IL1RN: variants seen among roughly 807,000 people sequenced by gnomAD.
IL1RN encodes interleukin 1 receptor antagonist.
Under a neutral mutation model 13.7 loss-of-function variants are expected in IL1RN, and 10 were observed. That is an observed-to-expected ratio of 0.73 (90% CI 0.45 to 1.24). IL1RN has a LOEUF of 1.24. Ranked by LOEUF, IL1RN falls within the 50% of genes most tolerant of loss-of-function variation. The pLI is 0.00. For missense variants in IL1RN, 213 were observed against 222.1 expected, an observed-to-expected ratio of 0.96 and a Z score of 0.26; for synonymous variants, 102 against 82.7, an observed-to-expected ratio of 1.23 and a Z score of -1.27.
chr2:113,117,824 A>G (rs1686630405), upstream of IL1RN: 1 of 662,518 alleles, frequency 1.5e-6, no homozygotes, highest in African/African-American at 1.8e-5. Flanking sequence ...ATGCTGGCCA[A>G]CCCTCTGTGA....
At chr2:113,127,357 C>T (rs1686997664), upstream of IL1RN, 5 of 614,664 alleles carry the variant, frequency 8.1e-6, no homozygotes, top group Non-Finnish European at 1.0e-5. Flanking sequence ...CCCAGGAACT[C>T]AATGAAGGGG....
chr2:113,131,260 A>C lies in IL1RN; in HGVS notation c.318+103A>C, dbSNP rs373572361. On this transcript the variant is annotated intron_variant, in intron 3 of 3. Coordinates refer to ENST00000409930, the MANE Select transcript of IL1RN (RefSeq NM_173842.3). ...GTGGGTTGACCAGGATTAGCTGGGT[A>C]GTTCTGTTCCATGTGGTGGAACATG... is the stretch of plus-strand genomic sequence containing the variant. 81 of 762,284 alleles carry C rather than the reference A, an allele frequency of 1.1e-4. 2 individuals carry two copies. The East Asian group carries it at 1.6e-3, about 15-fold the overall frequency. 47.2% of individuals were successfully genotyped at this position (762,284 alleles called of 1,614,324 possible). A position where few individuals can be genotyped will look rare whatever the true frequency, so the allele number is the denominator to read the frequency against.
upstream of IL1RN, among the ~76,000 whole-genome samples, chr2:113,110,048 A>G (rs540771934): frequency 1.4e-4 from 21 of 152,286 alleles, no homozygotes; most frequent in South Asian, 4.4e-3. Flanking sequence ...TGCCTTTACC[A>G]AAGGACCACA....
chr2:113,131,287 T>C, intron 3 of IL1RN, 130 bp downstream of exon 3: 1 of 710,162 alleles, frequency 1.4e-6, no homozygotes. Flanking sequence ...TGGAACATGC[T>C]GGGGTCACTT....
chr2:113,113,560 G>A (rs752965401), upstream of IL1RN, among the ~76,000 whole-genome samples: 30 of 151,078 alleles, frequency 2.0e-4, no homozygotes, highest in Non-Finnish European at 2.5e-4. Context: ...TGCTAAGAGG[G>A]TATATCTTAT....
chr2:113,102,582 G>A (rs1358967241), upstream of IL1RN, among the ~76,000 whole-genome samples: 2 of 152,192 alleles, frequency 1.3e-5, no homozygotes, highest in Non-Finnish European at 2.9e-5. Context: ...TGAGCAACAA[G>A]GCTGTTTATT....
intron 1 of IL1RN, among the ~76,000 whole-genome samples, chr2:113,111,585 C>T (rs916252239): frequency 3.9e-5 from 6 of 152,340 alleles, no homozygotes; most frequent in African/African-American, 4.8e-5. Context: ...AGGTGAAGCC[C>T]GCATCCAATG....
upstream of IL1RN, among the ~76,000 whole-genome samples, chr2:113,123,079 T>C (rs957304698): frequency 6.6e-6 from 1 of 152,078 alleles, no homozygotes; most frequent in African/African-American, 2.4e-5. Context: ...GAGCCTAGAT[T>C]GCTCCACTGC....
chr2:113,124,442 C>A (rs1481078418), upstream of IL1RN, among the ~76,000 whole-genome samples: 1 of 152,016 alleles, frequency 6.6e-6, no homozygotes, highest in African/African-American at 2.4e-5. Context: ...ATTGACAGCC[C>A]CCCCCCTTTG....
chr2:113,119,377 G>C (rs1432671685), intron 1 of IL1RN, among the ~76,000 whole-genome samples: 1 of 152,232 alleles, frequency 6.6e-6, no homozygotes, highest in African/African-American at 2.4e-5. Context: ...TGGCCAGACA[G>C]CTAGTATAAG....
At chr2:113,111,356 A>G (rs1686491312) in intron 1 of IL1RN, among the ~76,000 whole-genome samples, 1 of 152,236 alleles carries the variant, frequency 6.6e-6, no homozygotes, top group Non-Finnish European at 1.5e-5. Flanking sequence ...ATTTATGGAG[A>G]AGGCACTACG....
chr2:113,117,978 G>A (rs1310179129), exon 1 of IL1RN: 2 of 1,221,642 alleles, frequency 1.6e-6, no homozygotes, highest in African/African-American at 1.5e-5. Flanking sequence ...GTTAGAGTCT[G>A]GAAGACCTCA....
rs1687263478 is a variant in IL1RN, at chr2:113,133,970, T to A, written c.*1099T>A. On this transcript the variant is annotated 3_prime_UTR_variant, in exon 4 of 4. Coordinates refer to ENST00000409930, the MANE Select transcript of IL1RN (RefSeq NM_173842.3). ...TATGTTGGGTGCAAAGTTCCCTACT[T>A]CCTGTGACTTCAGCTCTGTTTTACA... The A allele has an allele frequency of 1.3e-5, 2 of 152,690 alleles. No homozygotes were observed. Among genetic ancestry groups the A allele is most frequent in the African/African-American group, 4.8e-5 (2 of 41,456 alleles). The allele number at this position is 152,690 out of a possible 1,614,324, so 9.5% of individuals were successfully genotyped here. A position where few individuals can be genotyped will look rare whatever the true frequency, so the allele number is the denominator to read the frequency against.
chr2:113,099,723 C>CTTTTTTTTT, the IL1RN span, among the ~76,000 whole-genome samples: 131 of 72,200 alleles, frequency 1.8e-3, 6 homozygotes, highest in Non-Finnish European at 2.6e-3. Flanking sequence ...CCTCTTCTTT[C>CTTTTTTTTT]TTTTCTTTTT....
chr2:113,114,157 G>A (rs1179031679), upstream of IL1RN, among the ~76,000 whole-genome samples: 1 of 152,196 alleles, frequency 6.6e-6, no homozygotes, highest in Non-Finnish European at 1.5e-5. Context: ...GTTATGAGAA[G>A]TTAAGGCAGT....
At chr2:113,130,981 G>C in intron 2 of IL1RN, 64 bp from the exon 3 acceptor site, 1 of 1,032,910 alleles carries the variant, frequency 9.7e-7, no homozygotes, top group South Asian at 1.3e-5. Flanking sequence ...AAAATACCCG[G>C]GGTCTCTTCA....
intron 1 of IL1RN, chr2:113,119,940 G>T: frequency 1.3e-6 from 1 of 784,668 alleles, no homozygotes; most frequent in South Asian, 1.5e-5. Context: ...GGAAGGGTGA[G>T]AACAGAGGGT....
At chr2:113,105,101 T>C (rs551868516), upstream of IL1RN, among the ~76,000 whole-genome samples, 23 of 152,274 alleles carry the variant, frequency 1.5e-4, no homozygotes, top group Admixed American at 7.9e-4. Context: ...GGTAGCCTCG[T>C]AGCTGGGCTC....
chr2:113,133,017 T>C lies in IL1RN; in HGVS notation c.*146T>C. The stretch of plus-strand genomic sequence containing the variant: ...CTCAGAAGGCGTCACAACAACCTGG[T>C]CACAGGACTCTGCCTCCTCTTCAAC... On this transcript the variant is annotated 3_prime_UTR_variant, in exon 4 of 4. Transcript: ENST00000409930. 2 of 749,044 alleles carry C rather than the reference T, an allele frequency of 2.7e-6. No homozygotes were observed. Among genetic ancestry groups the C allele is most frequent in the South Asian group, 2.9e-5 (2 of 68,410 alleles). The allele number at this position is 749,044 out of a possible 1,614,324, so 46.4% of individuals were successfully genotyped here. A position where few individuals can be genotyped will look rare whatever the true frequency, so the allele number is the denominator to read the frequency against.
Sources: allele counts gnomAD v4.1 joint callset (sites outside exome capture counted in the v4.1 genomes callset), GRCh38; gene constraint gnomAD v4.1.1; transcripts MANE v1.5; gene names NCBI Gene and HGNC (gene_info 2026-07-23, HGNC 2026-07-21).